The following BBS9 variants were observed in gnomAD, a reference collection of about 807,000 sequenced individuals.
The protein encoded by BBS9 is Bardet-Biedl syndrome 9.
BBS9 carries 89 observed loss-of-function variants against 117.7 expected under a neutral mutation model. That is an observed-to-expected ratio of 0.76 (90% confidence interval 0.64 to 0.90). The LOEUF (loss-of-function observed/expected upper bound fraction) is 0.90. Ranked by LOEUF, BBS9 falls within the 40% of genes least tolerant of loss-of-function variation. BBS9 has a pLI of 0.00. For missense variants in BBS9, 982 were observed against 1,042.2 expected (o/e 0.94, Z 0.80); for synonymous variants, 379 against 370.9 (o/e 1.02, Z -0.25).
At chr7:33,361,934 G>A (rs542841531) in intron 16 of BBS9, among the ~76,000 whole-genome samples, 5 of 152,058 alleles carry the variant, frequency 3.3e-5, no homozygotes, top group East Asian at 1.9e-4. Context: ...CATTTGAAGC[G>A]TATAATTTTG....
chr7:33,438,612 A>G (rs1835664467), intron 19 of BBS9, among the ~76,000 whole-genome samples: 1 of 152,354 alleles, frequency 6.6e-6, no homozygotes, highest in African/African-American at 2.4e-5. Flanking sequence ...TTTCATACAT[A>G]TCAAACTGAA....
rs913780124 is a variant in BBS9 at position 33,242,914 on chromosome 7, T to C, written c.443-14322T>C. 4 of 518,306 alleles carry C rather than the reference T, an allele frequency of 7.7e-6. 1 individual carries two copies. Among genetic ancestry groups the C allele is most frequent in the Admixed American group, 5.8e-5 (3 of 51,538 alleles). The allele number at this position is 518,306 out of a possible 1,614,324, so 32.1% of individuals were successfully genotyped here. A position where few individuals can be genotyped will look rare whatever the true frequency, so the allele number is the denominator to read the frequency against. On this transcript the variant is annotated intron_variant, in intron 5 of 22. Transcript: ENST00000242067. ...GTAGGAAGGTTAGAAGACGTAGTGTTGAGTTCTGGCCCTGCTACTTACCAG... is the reference window on the plus strand; with the variant it reads ...GTAGGAAGGTTAGAAGACGTAGTGTCGAGTTCTGGCCCTGCTACTTACCAG...
chr7:33,534,045 G>A lies in BBS9; in HGVS notation c.2390G>A (p.Ser797Asn). ...AAGGAGCAGGCTTTGAACCTCAACAGCCAGCTGAACATACCCAAAGACACA... is the reference window on the plus strand; with the variant it reads ...AAGGAGCAGGCTTTGAACCTCAACAACCAGCTGAACATACCCAAAGACACA... Reference protein sequence around the residue: ...SSKEQALNLNSQLNIPKDTSQ... With the variant: ...SSKEQALNLNNQLNIPKDTSQ... The change falls in exon 21 of 23, where the codon AGC becomes AAC. Residue 797 changes from serine (S) to asparagine (N), a missense_variant. Physicochemically the swap from Ser to Asn is conservative, Grantham distance 46 (BLOSUM62 1). Transcript: ENST00000242067. 2 of 1,614,166 alleles carry A rather than the reference G, an allele frequency of 1.2e-6. No individual in the cohort carries two copies. The highest frequency in any genetic ancestry group is 3.3e-5 in the Admixed American group (2 of 60,024).
At chr7:33,246,459 G>C (rs909346524) in intron 5 of BBS9, among the ~76,000 whole-genome samples, 22 of 151,736 alleles carry the variant, frequency 1.4e-4, no homozygotes, top group African/African-American at 5.3e-4. Context: ...ACGCTTTATG[G>C]GACTGATATT....
chr7:33,346,653 T>C (rs535111068), intron 12 of BBS9, among the ~76,000 whole-genome samples: 1 of 152,322 alleles, frequency 6.6e-6, no homozygotes, highest in Non-Finnish European at 1.5e-5. Flanking sequence ...ATTTGTATTT[T>C]GAAAGGGCCT....
At position 33,364,050 on chromosome 7, in the gene BBS9, G is replaced by A. The variant is rs1338085463; in HGVS notation, c.1694-3717G>A. On this transcript the variant is annotated intron_variant, in intron 16 of 22. Coordinates refer to ENST00000242067, the MANE Select transcript of BBS9 (RefSeq NM_198428.3). ...TGCAAGCTCCGCCTCCCGGGTTCAC[G>A]CCATTCTCCTGCCTCAGCCTCCCGA... Among the ~76,000 whole-genome samples the A allele has an allele frequency of 6.8e-5, 5 of 73,878 alleles. 2 individuals carry two copies. The highest frequency in any genetic ancestry group is 1.4e-4 in the Non-Finnish European group (5 of 36,200). The allele number at this position is 73,878 out of a possible 152,430, so 48.5% of individuals were successfully genotyped here. A position where few individuals can be genotyped will look rare whatever the true frequency, so the allele number is the denominator to read the frequency against.
At position 33,413,053 on chromosome 7, in the gene BBS9, GA is replaced by G. The variant is rs149457568; in HGVS notation, c.2115+24910del. On this transcript the variant is annotated intron_variant, in intron 19 of 22. Coordinates refer to ENST00000242067, the MANE Select transcript of BBS9 (RefSeq NM_198428.3). ...TAGAAAAAGAGTCATTTTTTACTAT[GA>G]GTTAATTTTTCTGGACTCCTCTTAG... Among the ~76,000 whole-genome samples, 862 of 152,308 alleles carry G rather than the reference GA, an allele frequency of 5.7e-3. 5 individuals are homozygous for G. The highest frequency in any genetic ancestry group is 9.2e-3 in the Non-Finnish European group (624 of 68,016).
chr7:33,247,298 A>G (rs574317777), intron 5 of BBS9, among the ~76,000 whole-genome samples: 17 of 152,230 alleles, frequency 1.1e-4, no homozygotes, highest in African/African-American at 3.9e-4. Flanking sequence ...GTATCATGTA[A>G]TATTCTCTTC....
At chr7:33,635,000 C>T (rs2129232539) in intron 21 of BBS9, among the ~76,000 whole-genome samples, 1 of 152,324 alleles carries the variant, frequency 6.6e-6, no homozygotes, top group Non-Finnish European at 1.5e-5. Context: ...GCCTCCCACA[C>T]TCGCAGTGGC....
chr7:33,596,299 C>CACA (rs1491153351), intron 21 of BBS9, among the ~76,000 whole-genome samples: 2 of 143,454 alleles, frequency 1.4e-5, no homozygotes, highest in African/African-American at 5.3e-5. Context: ...CACACACACA[C>CACA]TTATATATGT....
intron 21 of BBS9, among the ~76,000 whole-genome samples, chr7:33,591,728 A>C (rs1197734840): frequency 3.9e-5 from 6 of 152,016 alleles, no homozygotes; most frequent in African/African-American, 1.4e-4. Context: ...AAGCAAACCT[A>C]CCACTGTTTT....
chr7:33,298,477 A>G (rs370387329), intron 9 of BBS9, among the ~76,000 whole-genome samples: 1 of 152,216 alleles, frequency 6.6e-6, no homozygotes, highest in African/African-American at 2.4e-5. Flanking sequence ...ATTTACCAAT[A>G]TGCCCACTTT....
At chr7:33,586,450 A>G (rs546582107) in intron 21 of BBS9, among the ~76,000 whole-genome samples, 1 of 152,230 alleles carries the variant, frequency 6.6e-6, no homozygotes, top group Non-Finnish European at 1.5e-5. Flanking sequence ...GTAGGTAGGA[A>G]TGTGAATTAG....
Position 33,524,535 on chromosome 7 carries a change from G to A in BBS9, c.2299-9419G>A, listed in dbSNP as rs550314855. ...CTTCTAGATTTTCTAGTTTATTTGC[G>A]TAGAGGTGTTTGCAGTATTCTCTGA... On this transcript the variant is annotated intron_variant, in intron 20 of 22. Transcript: ENST00000242067. Among the ~76,000 whole-genome samples, 14 of 152,286 alleles carry A rather than the reference G, an allele frequency of 9.2e-5. No homozygotes were observed. In the East Asian group the frequency reaches 2.5e-3, roughly 27 times the overall value.
intron 5 of BBS9, among the ~76,000 whole-genome samples, chr7:33,244,509 A>G (rs1443363217): frequency 6.6e-6 from 1 of 152,176 alleles, no homozygotes; most frequent in Non-Finnish European, 1.5e-5. Flanking sequence ...ATTATCTGAT[A>G]TCCAAGGTAT....
chr7:33,545,955 A>G (rs576934596), intron 21 of BBS9, among the ~76,000 whole-genome samples: 26 of 59,216 alleles, frequency 4.4e-4, no homozygotes, highest in Non-Finnish European at 6.5e-4. Flanking sequence ...TTTTTTTGAG[A>G]TGGAGTCTTG....
chr7:33,488,304 A>G (rs1843391687), intron 19 of BBS9, among the ~76,000 whole-genome samples: 1 of 151,060 alleles, frequency 6.6e-6, no homozygotes, highest in African/African-American at 2.4e-5. Context: ...ATCTCAGACC[A>G]GAAGTTCTGA....
chr7:33,275,086 G>T (rs1800516866), intron 9 of BBS9, among the ~76,000 whole-genome samples: 1 of 151,118 alleles, frequency 6.6e-6, no homozygotes, highest in African/African-American at 2.5e-5. Context: ...TCCTATTAAG[G>T]GCTTGAGTGT....
intron 5 of BBS9, among the ~76,000 whole-genome samples, chr7:33,184,259 C>T (rs1418221368): frequency 3.3e-5 from 5 of 152,122 alleles, no homozygotes; most frequent in African/African-American, 1.2e-4. Context: ...TTGTAATTTG[C>T]TAAGGGATCT....
Sources: allele counts gnomAD v4.1 joint callset (sites outside exome capture counted in the v4.1 genomes callset), GRCh38; gene constraint gnomAD v4.1.1; transcripts MANE v1.5; gene names NCBI Gene and HGNC (gene_info 2026-07-23, HGNC 2026-07-21).